Variants in KIAA1328 observed in about 807,000 individuals in gnomAD.
KIAA1328 encodes the protein protein hinderin.
Under a neutral mutation model 68.1 loss-of-function variants are expected in KIAA1328, and 52 were observed. The observed-to-expected ratio is 0.76, with a 90% confidence interval of 0.61 to 0.96. KIAA1328 has a LOEUF of 0.96. Among genes scored for constraint, KIAA1328 ranks in the 40% least tolerant of loss-of-function variants. The pLI, the probability that KIAA1328 is intolerant of heterozygous loss-of-function variation, is 0.00. For missense variants in KIAA1328, 641 were observed against 677.6 expected (o/e 0.95, Z 0.60); for synonymous variants, 232 against 239.4 (o/e 0.97, Z 0.28).
chr18:37,084,285 G>T, intron 7 of KIAA1328: 3 of 1,033,984 alleles, frequency 2.9e-6, no homozygotes, highest in Non-Finnish European at 4.0e-6. Flanking sequence ...AAATATTTAG[G>T]ATACGTTTGG....
chr18:36,849,539 C>T (rs114736094), intron 4 of KIAA1328, among the ~76,000 whole-genome samples: 14 of 152,094 alleles, frequency 9.2e-5, no homozygotes, highest in African/African-American at 3.1e-4. Flanking sequence ...TTCTGTCCAC[C>T]TTCTTTCTAT....
chr18:37,178,383 T>C (rs1325557837), intron 9 of KIAA1328, among the ~76,000 whole-genome samples: 1 of 152,200 alleles, frequency 6.6e-6, no homozygotes, highest in Non-Finnish European at 1.5e-5. Context: ...ATAATATGCT[T>C]CAGGTTCATC....
At chr18:37,045,201 T>A (rs556176152) in intron 6 of KIAA1328, among the ~76,000 whole-genome samples, 1 of 152,298 alleles carries the variant, frequency 6.6e-6, no homozygotes, top group Non-Finnish European at 1.5e-5. Context: ...AATGGAAAAT[T>A]TAATCCAACG....
At chr18:36,836,280 C>A (rs937685989) in intron 3 of KIAA1328, among the ~76,000 whole-genome samples, 1 of 151,978 alleles carries the variant, frequency 6.6e-6, no homozygotes, top group Non-Finnish European at 1.5e-5. Context: ...AAGTTCTTAT[C>A]AAAAAAAGTT....
At chr18:37,125,550 A>C (rs2058369491) in intron 7 of KIAA1328, among the ~76,000 whole-genome samples, 1 of 152,200 alleles carries the variant, frequency 6.6e-6, no homozygotes, top group Non-Finnish European at 1.5e-5. Flanking sequence ...AGAGAAATCA[A>C]TGAAACCCAA....
intron 5 of KIAA1328, among the ~76,000 whole-genome samples, chr18:36,936,622 A>G (rs2050509656): frequency 6.6e-6 from 1 of 152,208 alleles, no homozygotes; most frequent in Admixed American, 6.5e-5. Flanking sequence ...TCCTTTGGAT[A>G]TATACCCAGT....
At chr18:37,200,690 A>G (rs920846378) in intron 9 of KIAA1328, among the ~76,000 whole-genome samples, 7 of 151,882 alleles carry the variant, frequency 4.6e-5, no homozygotes, top group African/African-American at 1.7e-4. Context: ...GGGCGCCTGT[A>G]GTCCCAGCTA....
chr18:37,230,768 G>A (rs1166878998), downstream of KIAA1328: 1 of 152,094 alleles, frequency 6.6e-6, no homozygotes, highest in Admixed American at 6.6e-5. Context: ...GGGGAGGGTG[G>A]GGCTAGAAGA....
intron 1 of KIAA1328, among the ~76,000 whole-genome samples, chr18:36,829,649 A>G (rs1011179112): frequency 2.6e-5 from 4 of 152,188 alleles, no homozygotes; most frequent in African/African-American, 9.7e-5. Flanking sequence ...GCTAGGAGCA[A>G]GTCAGGACCT....
At chr18:36,872,665 A>G (rs1314878107) in intron 4 of KIAA1328, among the ~76,000 whole-genome samples, 1 of 152,246 alleles carries the variant, frequency 6.6e-6, no homozygotes, top group Non-Finnish European at 1.5e-5. Flanking sequence ...TCTACTTCCT[A>G]CCCAAGATGT....
At position 37,066,933 on chromosome 18, in the gene KIAA1328, T is replaced by C; in HGVS notation, c.620T>C (p.Leu207Pro). The change falls in exon 7 of 10, where the codon CTG becomes CCG. Residue 207 changes from leucine (L) to proline (P), a missense_variant. By Grantham distance (98) the Leu-to-Pro change is moderately conservative (BLOSUM62 -3). Transcript: ENST00000280020. ...KSTLQCSSVE[L>P]DGSYLSIARP... is the part of the protein sequence containing the mutation. ...ACTCTCCAGTGTTCATCTGTGGAACTGGATGGTTCCTACTTGAGCATAGCC... is the reference window on the plus strand; with the variant it reads ...ACTCTCCAGTGTTCATCTGTGGAACCGGATGGTTCCTACTTGAGCATAGCC... The C allele has an allele frequency of 6.2e-7, 1 of 1,609,432 alleles. No individual in the cohort carries two copies. The highest frequency in any genetic ancestry group is 8.5e-7 in the Non-Finnish European group (1 of 1,177,568).
chr18:36,921,878 T>C (rs1485174634), intron 5 of KIAA1328, among the ~76,000 whole-genome samples: 1 of 152,124 alleles, frequency 6.6e-6, no homozygotes, highest in Non-Finnish European at 1.5e-5. Context: ...TGCTTTCCCT[T>C]ATTCTCATAT....
intron 6 of KIAA1328, among the ~76,000 whole-genome samples, chr18:37,044,611 G>A (rs2055389321): frequency 6.6e-6 from 1 of 151,768 alleles, no homozygotes; most frequent in Non-Finnish European, 1.5e-5. Context: ...GCCTGGCCAA[G>A]ATGCTGAAAC....
chr18:36,997,251 T>C (rs2053426126), intron 6 of KIAA1328, among the ~76,000 whole-genome samples: 1 of 152,200 alleles, frequency 6.6e-6, no homozygotes, highest in African/African-American at 2.4e-5. Flanking sequence ...CTTTTTCATT[T>C]TGATGATTTA....
intron 6 of KIAA1328, among the ~76,000 whole-genome samples, chr18:36,996,056 C>T (rs1190707459): frequency 6.6e-6 from 1 of 152,152 alleles, no homozygotes; most frequent in African/African-American, 2.4e-5. Flanking sequence ...ATTGTTGTCT[C>T]CTTTTTACAA....
chr18:36,859,062 C>T (rs958310463), intron 4 of KIAA1328, among the ~76,000 whole-genome samples: 2 of 151,928 alleles, frequency 1.3e-5, no homozygotes, highest in African/African-American at 4.8e-5. Flanking sequence ...ATTAAATTTT[C>T]TATGTTTTTA....
chr18:36,916,993 C>A (rs989372626), intron 5 of KIAA1328, among the ~76,000 whole-genome samples: 29 of 151,600 alleles, frequency 1.9e-4, no homozygotes, highest in African/African-American at 7.0e-4. Flanking sequence ...AACAAAATTC[C>A]CTAGGTTAAA....
rs1398281326 is a variant in KIAA1328, at chr18:37,222,081, C to T, written c.1588C>T (p.Arg530Cys). 15 of 1,613,540 alleles carry T rather than the reference C, an allele frequency of 9.3e-6. No individual in the cohort carries two copies. Among genetic ancestry groups the T allele is most frequent in the Non-Finnish European group, 1.1e-5 (13 of 1,179,778 alleles). Residue 530 changes from arginine to cysteine, a missense_variant, in exon 10 of 10, where the codon CGC becomes TGC. Transcript: ENST00000280020. Reference sequence around the variant, plus strand: ...CCCAAACTCTGCGCCCAAACCTCAGCGCTATCCCTCCAGAGAAGCTGGGGC... The same window carrying T: ...CCCAAACTCTGCGCCCAAACCTCAGTGCTATCCCTCCAGAGAAGCTGGGGC... ...LSPNSAPKPQ[R>C]YPSREAGAWN...
At chr18:37,078,205 T>C (rs1405322812) in intron 7 of KIAA1328, among the ~76,000 whole-genome samples, 4 of 152,044 alleles carry the variant, frequency 2.6e-5, no homozygotes, top group African/African-American at 4.8e-5. Context: ...CTTTGACAAA[T>C]CTGAGAAAAA....
Sources: gnomAD v4.1 joint callset for allele counts (sites outside exome capture counted in the v4.1 genomes callset) on GRCh38, gnomAD v4.1.1 for gene constraint, MANE v1.5 for transcripts, NCBI Gene and HGNC (gene_info 2026-07-23, HGNC 2026-07-21) for gene names.